Variants in GLIS3 observed in about 807,000 individuals in gnomAD.
GLIS3 encodes GLIS family zinc finger 3, also known as zinc finger protein GLIS3.
A neutral mutation model predicts 78.6 loss-of-function variants in GLIS3; 53 were observed. That is an observed-to-expected ratio of 0.67 (90% CI 0.54 to 0.85). The LOEUF is 0.85. GLIS3 is among the 40% of genes least tolerant of loss of function. The pLI is 0.00. For synonymous variants in GLIS3, 684 were observed against 509.9 expected, an observed-to-expected ratio of 1.34 and a Z score of -4.60; for missense variants, 1,703 against 1,231.1, an observed-to-expected ratio of 1.38 and a Z score of -5.74.
chr9:4,159,579 C>T (rs1053216613), intron 2 of GLIS3, among the ~76,000 whole-genome samples: 8 of 152,022 alleles, frequency 5.3e-5, no homozygotes, highest in South Asian at 2.1e-4. Flanking sequence ...ATTAACTGGG[C>T]ATGGTGGCAC....
chr9:4,082,863 C>A (rs959453320), intron 4 of GLIS3, among the ~76,000 whole-genome samples: 1 of 152,100 alleles, frequency 6.6e-6, no homozygotes, highest in African/African-American at 2.4e-5. Flanking sequence ...GAGTTTGTAC[C>A]ATTTCCCATA....
chr9:4,078,525 C>T (rs1260944356), intron 4 of GLIS3, among the ~76,000 whole-genome samples: 1 of 152,216 alleles, frequency 6.6e-6, no homozygotes, highest in African/African-American at 2.4e-5. Flanking sequence ...AAGCAAAACA[C>T]AGGAACCACC....
intron 4 of GLIS3, among the ~76,000 whole-genome samples, chr9:4,092,272 C>T (rs1222611078): frequency 2.4e-4 from 37 of 151,962 alleles, no homozygotes. Flanking sequence ...CTGTCTCAGC[C>T]TCCCGAGTAG....
At chr9:3,945,894 A>G (rs1470673380) in intron 4 of GLIS3, among the ~76,000 whole-genome samples, 1 of 152,168 alleles carries the variant, frequency 6.6e-6, no homozygotes, top group Non-Finnish European at 1.5e-5. Flanking sequence ...AAAGTATGAG[A>G]CCTATGTCTT....
At chr9:3,855,025 C>T (rs7851472) in intron 9 of GLIS3, among the ~76,000 whole-genome samples, 1,877 of 152,250 alleles carry the variant, frequency 0.012, 35 homozygotes, top group African/African-American at 0.042. Flanking sequence ...AGGTAGAGGA[C>T]AGTAGTATTT....
At chr9:4,130,543 T>A (rs1832899972) in intron 2 of GLIS3, among the ~76,000 whole-genome samples, 1 of 152,196 alleles carries the variant, frequency 6.6e-6, no homozygotes, top group African/African-American at 2.4e-5. Context: ...CAGGTACAGC[T>A]CAGGCCTCTG....
intron 9 of GLIS3, among the ~76,000 whole-genome samples, chr9:3,850,283 C>T (rs1588083173): frequency 6.6e-6 from 1 of 152,280 alleles, no homozygotes; most frequent in Non-Finnish European, 1.5e-5. Flanking sequence ...CTGAAGGCCA[C>T]GCAAGGCTGG....
chr9:4,143,677 T>C (rs1229403168), intron 2 of GLIS3, among the ~76,000 whole-genome samples: 1 of 152,230 alleles, frequency 6.6e-6, no homozygotes, highest in Non-Finnish European at 1.5e-5. Flanking sequence ...CCAGAACTTA[T>C]TCGTCTTGCA....
chr9:3,927,125 A>G (rs537606316), intron 6 of GLIS3, among the ~76,000 whole-genome samples: 6 of 152,180 alleles, frequency 3.9e-5, no homozygotes, highest in Non-Finnish European at 8.8e-5. Context: ...CATGAAGATA[A>G]TGTAAATCTA....
intron 6 of GLIS3, among the ~76,000 whole-genome samples, chr9:3,906,039 G>C (rs1006662395): frequency 2.6e-5 from 4 of 152,216 alleles, no homozygotes; most frequent in African/African-American, 7.2e-5. Flanking sequence ...ATCTACCGAG[G>C]AAACAAACTG....
chr9:4,321,022 G>A (rs1010178064), intron 2 of GLIS3, among the ~76,000 whole-genome samples: 1 of 151,802 alleles, frequency 6.6e-6, no homozygotes, highest in Non-Finnish European at 1.5e-5. Context: ...CTAGACCCCA[G>A]CCATTTCTGC....
intron 2 of GLIS3, among the ~76,000 whole-genome samples, chr9:4,218,301 T>G (rs77597716): frequency 1.3e-5 from 2 of 152,056 alleles, no homozygotes; most frequent in Non-Finnish European, 2.9e-5. Flanking sequence ...TTTTTTTTTT[T>G]GAGATGGAGT....
chr9:3,997,154 C>G (rs1429897090), intron 4 of GLIS3, among the ~76,000 whole-genome samples: 1 of 152,094 alleles, frequency 6.6e-6, no homozygotes, highest in East Asian at 1.9e-4. Flanking sequence ...CAAGACCAGC[C>G]TGACCAACAT....
the GLIS3 span, among the ~76,000 whole-genome samples, chr9:4,410,619 T>C: frequency 1.7e-4 from 26 of 152,362 alleles, no homozygotes; most frequent in African/African-American, 6.0e-4. Context: ...TTAACTGCCA[T>C]GTAGCCTCCA....
At chr9:4,431,196 T>G in the GLIS3 span, among the ~76,000 whole-genome samples, 1 of 152,212 alleles carries the variant, frequency 6.6e-6, no homozygotes, top group Non-Finnish European at 1.5e-5. Flanking sequence ...ATTTCCCTTA[T>G]CCTCTTCTAA....
At chr9:4,284,469 A>T (rs980298444) in intron 2 of GLIS3, among the ~76,000 whole-genome samples, 1 of 152,172 alleles carries the variant, frequency 6.6e-6, no homozygotes, top group East Asian at 1.9e-4. Flanking sequence ...TTGCCACATC[A>T]TGGACATAGC....
In GLIS3 at chr9:4,245,019, T is replaced by C. The variant is rs183961840; in HGVS notation, c.388+41019A>G. ...ATGATTGATGTAGACCCCAAGAAGA[T>C]CCTTAATCAAATAAAAGATCTTGGT... On this transcript the variant is annotated intron_variant, in intron 2 of 10. Transcript: ENST00000381971. Among the ~76,000 whole-genome samples the C allele has an allele frequency of 2.4e-3, 368 of 152,262 alleles. 1 individual carries two copies. The highest frequency in any genetic ancestry group is 8.4e-3 in the African/African-American group (349 of 41,558).
intron 4 of GLIS3, among the ~76,000 whole-genome samples, chr9:4,055,800 G>A (rs1235631844): frequency 3.3e-5 from 5 of 152,228 alleles, no homozygotes; most frequent in African/African-American, 1.2e-4. Context: ...TCATTGGAGG[G>A]ATGTAAAGGA....
the GLIS3 span, among the ~76,000 whole-genome samples, chr9:4,382,994 ATCTG>A: frequency 1.3e-5 from 2 of 152,186 alleles, no homozygotes; most frequent in Non-Finnish European, 2.9e-5. Flanking sequence ...CCATCTTCCC[ATCTG>A]TCTATTTTCC....
Sources: allele counts gnomAD v4.1 joint callset (sites outside exome capture counted in the v4.1 genomes callset), GRCh38; gene constraint gnomAD v4.1.1; transcripts MANE v1.5; gene names NCBI Gene and HGNC (gene_info 2026-07-23, HGNC 2026-07-21).